Variants in FBXW12 observed in about 807,000 individuals in gnomAD.
The protein encoded by FBXW12 is F-box/WD repeat-containing protein 12.
FBXW12 carries 43 observed loss-of-function variants against 55.3 expected under a neutral mutation model. The ratio of observed to expected loss-of-function variants is 0.78; its 90% confidence interval spans 0.61 to 1.00. The LOEUF is 1.00. Ranked by LOEUF, FBXW12 falls within the 50% of genes least tolerant of loss-of-function variation. The pLI is 0.00. For synonymous variants in FBXW12, 184 were observed against 203.8 expected, an observed-to-expected ratio of 0.90 and a Z score of 0.83; for missense variants, 524 against 560.5, an observed-to-expected ratio of 0.93 and a Z score of 0.66.
chr3:48,375,191 C>T (rs1376748425), intron 4 of FBXW12, among the ~76,000 whole-genome samples, 163 bp from the exon 5 acceptor site: 1 of 152,200 alleles, frequency 6.6e-6, no homozygotes, highest in African/African-American at 2.4e-5. Flanking sequence ...GCCAGTCTGC[C>T]GTGGGAACCT....
chr3:48,384,721 A>G (rs2036821406), intron 10 of FBXW12, among the ~76,000 whole-genome samples: 1 of 152,134 alleles, frequency 6.6e-6, no homozygotes, highest in Non-Finnish European at 1.5e-5. Flanking sequence ...TCATGAATAG[A>G]TGTTGAATTT....
intron 10 of FBXW12, among the ~76,000 whole-genome samples, chr3:48,387,440 T>TG (rs2036862728): frequency 2.8e-5 from 3 of 105,436 alleles, no homozygotes; most frequent in Non-Finnish European, 4.1e-5. Flanking sequence ...TTTTGGTCTC[T>TG]ATTTTTTTTT....
intron 10 of FBXW12, among the ~76,000 whole-genome samples, chr3:48,387,644 C>A (rs2036866328): frequency 6.6e-6 from 1 of 152,100 alleles, no homozygotes; most frequent in Non-Finnish European, 1.5e-5. Flanking sequence ...GCCTTCTGGG[C>A]TCAAGTGATC....
chr3:48,372,464 G>A lies in FBXW12; in HGVS notation c.-85+144G>A, dbSNP rs1171787283. 19 of 1,140,502 alleles carry A rather than the reference G, an allele frequency of 1.7e-5. 1 individual carries two copies. Among genetic ancestry groups the A allele is most frequent in the Non-Finnish European group, 2.4e-5 (19 of 794,876 alleles). The allele number at this position is 1,140,502 out of a possible 1,614,324, so 70.6% of individuals were successfully genotyped here. ...TCTGACAACTTCATCTGCAACTGGG[G>A]CTGCCCCAGGTTCTGCACCTCCAGC... is the stretch of plus-strand genomic sequence containing the variant. On this transcript the variant is annotated intron_variant, in intron 1 of 10. Coordinates refer to ENST00000296438, the MANE Select transcript of FBXW12 (RefSeq NM_207102.2).
chr3:48,381,021 A>ATTTT, intron 8 of FBXW12, 109 bp downstream of exon 8: 7 of 631,372 alleles, frequency 1.1e-5, no homozygotes, highest in Non-Finnish European at 1.7e-5. Context: ...GGGGATTTCT[A>ATTTT]GTTTTTTTTT....
chr3:48,385,340 G>T (rs1344851387), intron 10 of FBXW12, among the ~76,000 whole-genome samples: 1 of 41,260 alleles, frequency 2.4e-5, no homozygotes, highest in South Asian at 5.4e-4. Flanking sequence ...GTATTCCATT[G>T]TGTGTGTGTG....
intron 10 of FBXW12, among the ~76,000 whole-genome samples, chr3:48,392,200 C>G (rs2036938244): frequency 6.6e-6 from 1 of 152,110 alleles, no homozygotes; most frequent in South Asian, 2.1e-4. Context: ...TGCCTATAAT[C>G]CCAGCACTTT....
chr3:48,373,247 G>A, intron 2 of FBXW12, 61 bp from the exon 3 acceptor site: 1 of 1,613,444 alleles, frequency 6.2e-7, no homozygotes, highest in Non-Finnish European at 8.5e-7. Flanking sequence ...AATAGCAGAG[G>A]ATTACCCTTG....
In FBXW12 at chr3:48,378,494, G is replaced by A. The variant is rs774435601; in HGVS notation, c.583G>A (p.Ala195Thr). The A allele has an allele frequency of 6.2e-7, 1 of 1,614,058 alleles. No homozygotes were observed. Among genetic ancestry groups the A allele is most frequent in the South Asian group, 1.1e-5 (1 of 91,052 alleles). ...GCCACAGCCCTGTTATTGCATGGAAGCCTATCTTACAAAGGATGGCCCATT... is the reference window on the plus strand; with the variant it reads ...GCCACAGCCCTGTTATTGCATGGAAACCTATCTTACAAAGGATGGCCCATT... Reference protein sequence around the residue: ...PMPQPCYCMEAYLTKDGPFLM... With the variant: ...PMPQPCYCMETYLTKDGPFLM... Residue 195 changes from alanine to threonine, a missense_variant, in exon 6 of 11, where the codon GCC becomes ACC. By Grantham distance (58) the Ala-to-Thr change is moderately conservative (BLOSUM62 0). Transcript: ENST00000296438.
At chr3:48,390,288 A>G (rs909916811) in intron 10 of FBXW12, among the ~76,000 whole-genome samples, 4 of 152,122 alleles carry the variant, frequency 2.6e-5, no homozygotes, top group African/African-American at 9.7e-5. Context: ...TGATAGGAAT[A>G]ACACTGAATC....
intron 7 of FBXW12, 183 bp downstream of exon 7, chr3:48,379,741 G>C (rs2036738877): frequency 1.8e-6 from 1 of 568,680 alleles, no homozygotes; most frequent in Non-Finnish European, 3.1e-6. Context: ...ACATCCAGTT[G>C]CTGTGGCAAA....
intron 6 of FBXW12, among the ~76,000 whole-genome samples, chr3:48,379,199 G>A (rs180931741): frequency 8.1e-4 from 124 of 152,324 alleles, no homozygotes; most frequent in African/African-American, 2.7e-3. Flanking sequence ...CTGTCCTTGA[G>A]AAGAATGCTT....
At chr3:48,386,347 C>G (rs749835275) in intron 10 of FBXW12, among the ~76,000 whole-genome samples, 13 of 152,158 alleles carry the variant, frequency 8.5e-5, no homozygotes, top group Non-Finnish European at 1.8e-4. Context: ...AGCTGTTGGT[C>G]ACTGTGCCTG....
Position 48,373,597 on chromosome 3 carries a change from C to T in FBXW12, c.178C>T (p.Leu60=), listed in dbSNP as rs371160895. The change falls in exon 4 of 11, where the codon CTG becomes TTG. Residue 60 remains leucine (L), a synonymous_variant. Coordinates refer to ENST00000296438, the MANE Select transcript of FBXW12 (RefSeq NM_207102.2). Reference sequence around the variant, plus strand: ...CTGCAGCAACTTCACCAATCAACACCTGGGCACACACACATGGAAGCAATT... The same window carrying T: ...CTGCAGCAACTTCACCAATCAACACTTGGGCACACACACATGGAAGCAATT... ...WDCSNFTNQH[L]GTHTWKQFFL... is the part of the protein sequence containing the mutation. The T allele has an allele frequency of 1.2e-6, 2 of 1,614,036 alleles. No homozygotes were observed. The highest frequency in any genetic ancestry group is 1.7e-6 in the Non-Finnish European group (2 of 1,180,036).
chr3:48,387,355 T>A (rs1441236317), intron 10 of FBXW12, among the ~76,000 whole-genome samples: 2 of 152,086 alleles, frequency 1.3e-5, no homozygotes, highest in Admixed American at 6.5e-5. Context: ...TTTTTTGTTT[T>A]GGTTTTGGTT....
At position 48,379,528 on chromosome 3, in the gene FBXW12, A is replaced by C. The variant is rs529676445; in HGVS notation, c.744A>C (p.Ala248=). ...CTCCTGACAAGAAATGGGTATTTGC[A>C]TGTGGGACATACAGTCGTACCTTGC... ...HCSPDKKWVF[A]CGTYSRTLPQ... is the part of the protein sequence containing the mutation. Residue 248 remains alanine (A), a synonymous_variant, in exon 7 of 11, where the codon GCA becomes GCC. Transcript: ENST00000296438. 4 of 1,614,174 alleles carry C rather than the reference A, an allele frequency of 2.5e-6. No homozygotes were observed. The highest frequency in any genetic ancestry group is 3.4e-6 in the Non-Finnish European group (4 of 1,179,980).
At chr3:48,390,521 C>T (rs1220045945) in intron 10 of FBXW12, among the ~76,000 whole-genome samples, 3 of 149,184 alleles carry the variant, frequency 2.0e-5, no homozygotes, top group African/African-American at 7.5e-5. Flanking sequence ...TTCAAAAGAT[C>T]CCCCTGCGTC....
intron 7 of FBXW12, 59 bp downstream of exon 7, chr3:48,379,617 C>CTTTTTT: frequency 6.7e-7 from 1 of 1,487,136 alleles, no homozygotes; most frequent in Admixed American, 1.7e-5. Context: ...AGGAAGCATG[C>CTTTTTT]AGAGAAACTG....
intron 10 of FBXW12, among the ~76,000 whole-genome samples, chr3:48,383,820 C>T (rs907347976): frequency 3.3e-5 from 5 of 152,164 alleles, no homozygotes; most frequent in Non-Finnish European, 5.9e-5. Context: ...GTTGAAAAAA[C>T]TCCTTACTCC....
Sources: gnomAD v4.1 joint callset for allele counts (sites outside exome capture counted in the v4.1 genomes callset) on GRCh38, gnomAD v4.1.1 for gene constraint, MANE v1.5 for transcripts, NCBI Gene and HGNC (gene_info 2026-07-23, HGNC 2026-07-21) for gene names.